PRDM15: variants seen among roughly 807,000 people sequenced by gnomAD.
PRDM15 encodes PR/SET domain 15, also known as PR domain zinc finger protein 15.
Under a neutral mutation model 128.6 loss-of-function variants are expected in PRDM15, and 64 were observed. That is an observed-to-expected ratio of 0.50 (90% CI 0.41 to 0.61). PRDM15 has a LOEUF of 0.61. Ranked by LOEUF, PRDM15 falls within the 20% of genes least tolerant of loss-of-function variation. The pLI is 0.00. For missense variants in PRDM15, 1,242 were observed against 1,569.1 expected, an observed-to-expected ratio of 0.79 and a Z score of 3.52; for synonymous variants, 615 against 621.8, an observed-to-expected ratio of 0.99 and a Z score of 0.16.
At chr21:41,853,765 GCA>G (rs2145837393) in intron 5 of PRDM15, among the ~76,000 whole-genome samples, 1 of 152,050 alleles carries the variant, frequency 6.6e-6, no homozygotes, top group African/African-American at 2.4e-5. Context: ...GAACACGCAT[GCA>G]CACACACACA....
Position 41,801,317 on chromosome 21 carries a change from G to A in PRDM15, c.3349C>T (p.Pro1117Ser). Residue 1117 changes from proline (P) to serine (S), a missense_variant, in exon 24 of 24, where the codon CCG (proline) becomes TCG (serine). This residue lies in a region of PRDM15 where 602 missense variants were observed against 788.3 expected (regional missense o/e 0.76). Transcript: ENST00000398548. ...GCCGCCTGCTGTGGGGGTGCCTGCG[G>A]CTGCGAGGGTGGCAAGACGTCAGTC... ...PQTDVLPPSQPQAPPQQAAQP... is the reference protein window; with the variant it reads ...PQTDVLPPSQSQAPPQQAAQP... The A allele has an allele frequency of 6.3e-7, 1 of 1,577,474 alleles. No homozygotes were observed. Among genetic ancestry groups the A allele is most frequent in the Non-Finnish European group, 8.6e-7 (1 of 1,159,254 alleles).
intron 6 of PRDM15, among the ~76,000 whole-genome samples, chr21:41,842,814 T>C (rs2063115237): frequency 8.6e-6 from 1 of 116,176 alleles, no homozygotes; most frequent in South Asian, 2.9e-4. Flanking sequence ...AGACGGAGTC[T>C]CACTCTGTCG....
intron 6 of PRDM15, among the ~76,000 whole-genome samples, chr21:41,846,534 T>C (rs1471599794): frequency 2.6e-5 from 4 of 152,076 alleles, no homozygotes; most frequent in African/African-American, 9.7e-5. Context: ...GTCTCTACAA[T>C]AAATATACAG....
chr21:41,847,498 C>T (rs938575669), intron 5 of PRDM15, among the ~76,000 whole-genome samples: 2 of 152,202 alleles, frequency 1.3e-5, no homozygotes, highest in African/African-American at 4.8e-5. Context: ...AGGGACCAGG[C>T]TCATCCCTTA....
intron 19 of PRDM15, chr21:41,812,838 G>A (rs2061908526): frequency 6.6e-6 from 1 of 152,364 alleles, no homozygotes; most frequent in Admixed American, 6.5e-5. Context: ...GGAGAACTGG[G>A]GAGTGTGTTT....
chr21:41,843,757 C>A (rs568080339), intron 6 of PRDM15, among the ~76,000 whole-genome samples: 1 of 152,132 alleles, frequency 6.6e-6, no homozygotes, highest in African/African-American at 2.4e-5. Flanking sequence ...TCTGGGACAG[C>A]CTTGTTATGG....
intron 10 of PRDM15, 57 bp from the exon 11 acceptor site, chr21:41,835,581 G>A (rs1475095826): frequency 3.6e-5 from 53 of 1,476,314 alleles, no homozygotes; most frequent in Middle Eastern, 3.4e-4. Context: ...CACAGATGCC[G>A]AGCCCCCGAC....
Position 41,806,376 on chromosome 21 carries a change from C to T in PRDM15, c.2653-1762G>A, listed in dbSNP as rs1167468008. ...ATCACCACCACCACCATCACTACCA[C>T]CATCACCACCACCACCATCACCACC... On this transcript the variant is annotated intron_variant, in intron 21 of 23. Coordinates refer to ENST00000398548, the MANE Select transcript of PRDM15 (RefSeq NM_001040424.3). 5.0e-5 allele frequency among the ~76,000 whole-genome samples: 4 copies of T among 79,280 alleles called. 1 individual carries two copies. The highest frequency in any genetic ancestry group is 2.2e-4 in the African/African-American group (4 of 18,034). 52.0% of individuals were successfully genotyped at this position (79,280 alleles called of 152,430 possible).
At position 41,862,218 on chromosome 21, in the gene PRDM15, G is replaced by C. The variant is rs2063839400; in HGVS notation, c.-9-1846C>G. 1.3e-5 allele frequency among the ~76,000 whole-genome samples: 2 copies of C among 152,194 alleles called. No individual in the cohort carries two copies. Among genetic ancestry groups the C allele is most frequent in the East Asian group, 3.9e-4 (2 of 5,188 alleles). ...CACGTGACTCACGGTCAGGAGCTTGGGCGATGGGAACGATAGGCCTTAAGA... is the reference window on the plus strand; with the variant it reads ...CACGTGACTCACGGTCAGGAGCTTGCGCGATGGGAACGATAGGCCTTAAGA... On this transcript the variant is annotated intron_variant, in intron 1 of 23. Transcript: ENST00000398548. This position sits in a 1 kb window ranked among gnomAD's most constrained non-coding sequence, Gnocchi z 4.1.
At chr21:41,860,012 T>G (rs1413618285) in intron 2 of PRDM15, among the ~76,000 whole-genome samples, 1 of 152,056 alleles carries the variant, frequency 6.6e-6, no homozygotes, top group East Asian at 1.9e-4. Flanking sequence ...AGAATGAGCA[T>G]AAATGAAAAT....
chr21:41,837,784 C>G, intron 8 of PRDM15, 150 bp downstream of exon 8: 1 of 372,264 alleles, frequency 2.7e-6, no homozygotes, highest in Non-Finnish European at 4.8e-6. Flanking sequence ...TCCTGAGCTC[C>G]AGAACATTCC....
chr21:41,859,237 C>T lies in PRDM15; in HGVS notation c.131+355G>A. 8 of 1,612,820 alleles carry T rather than the reference C, an allele frequency of 5.0e-6. No homozygotes were observed. The highest frequency in any genetic ancestry group is 6.8e-6 in the Non-Finnish European group (8 of 1,179,374). On this transcript the variant is annotated intron_variant, in intron 3 of 23. Transcript: ENST00000398548. The surrounding 1 kb of genome is among the most constrained non-coding windows in gnomAD (Gnocchi z 5.3). ...CGCTGGCAGGCCAAGACCTGGAATG[C>T]AGAGAGAAGCCAACGAGCAGACCTC... is the stretch of plus-strand genomic sequence containing the variant.
chr21:41,834,003 C>T (rs1261089744), intron 11 of PRDM15, among the ~76,000 whole-genome samples: 2 of 152,202 alleles, frequency 1.3e-5, no homozygotes, highest in East Asian at 3.8e-4. Context: ...CTGGCCGGGG[C>T]TGCGTTAAGT....
rs192754082 is a variant in PRDM15 at position 41,802,665 on chromosome 21, A to G, written c.2943+47T>C. Reference sequence around the variant, plus strand: ...ACACACACGTAAGGCTCTCATGCTTAGGGAAAGTGACCGGCACCTAATCAG... The same window carrying G: ...ACACACACGTAAGGCTCTCATGCTTGGGGAAAGTGACCGGCACCTAATCAG... On this transcript the variant is annotated intron_variant, in intron 23 of 23. Coordinates refer to ENST00000398548, the MANE Select transcript of PRDM15 (RefSeq NM_001040424.3). The G allele has an allele frequency of 3.7e-5, 55 of 1,503,958 alleles. No individual in the cohort carries two copies. The African/African-American group carries it at 6.2e-4, about 17-fold the overall frequency. 93.2% of individuals were successfully genotyped at this position (1,503,958 alleles called of 1,614,324 possible).
rs2063739461 is a variant in PRDM15, at chr21:41,859,318, C to A, written c.131+274G>T. On this transcript the variant is annotated intron_variant, in intron 3 of 23. Transcript: ENST00000398548. The surrounding 1 kb of genome is among the most constrained non-coding windows in gnomAD (Gnocchi z 5.3). ...CCACCTTGGCAAGTCCACTCTTCTG[C>A]AGCCTCCACACACTGTGTCGGGAAC... 1.7e-6 allele frequency: 2 copies of A among 1,184,990 alleles called. No individual in the cohort carries two copies. The highest frequency in any genetic ancestry group is 2.4e-6 in the Non-Finnish European group (2 of 817,026). 73.4% of individuals were successfully genotyped at this position (1,184,990 alleles called of 1,614,324 possible).
chr21:41,871,489 C>A, intron 1 of PRDM15: 1 of 1,591,014 alleles, frequency 6.3e-7, no homozygotes, highest in Non-Finnish European at 8.6e-7. Flanking sequence ...CTGGAGTGAG[C>A]CCACCAGGAG....
chr21:41,831,990 T>C (rs189526032), intron 11 of PRDM15, among the ~76,000 whole-genome samples: 9 of 152,282 alleles, frequency 5.9e-5, no homozygotes. Context: ...TGCCCTCAGT[T>C]TCGTTTTGGC....
At position 41,879,200 on chromosome 21, in the gene PRDM15, AGCGGGTGCGGCCCGGGGCCG is replaced by A; in HGVS notation, c.-10+50_-10+69del. 1.4e-6 allele frequency: 1 copy of A among 728,972 alleles called. No homozygotes were observed. Among genetic ancestry groups the A allele is most frequent in the Non-Finnish European group, 1.6e-6 (1 of 609,232 alleles). The allele number at this position is 728,972 out of a possible 1,614,324, so 45.2% of individuals were successfully genotyped here. The stretch of plus-strand genomic sequence containing the variant: ...AGGGCGCGCCGGGGCTCGCGGGGGC[AGCGGGTGCGGCCCGGGGCCG>A]GCGGGGCGCACGCCGGGGCGGGCGG... On this transcript the variant is annotated intron_variant, in intron 1 of 23. Transcript: ENST00000398548. This position sits in a 1 kb window ranked among gnomAD's most constrained non-coding sequence, Gnocchi z 5.1.
rs2062447289 is a variant in PRDM15, at chr21:41,825,770, T to C, written c.1629+190A>G. Among the ~76,000 whole-genome samples the C allele has an allele frequency of 6.6e-6, 1 of 152,090 alleles. No individual in the cohort carries two copies. Among genetic ancestry groups the C allele is most frequent in the African/African-American group, 2.4e-5 (1 of 41,368 alleles). ...TCTCAGCCCACTCACTGGAAACCCA[T>C]CTTAAGTACCAAAGAAATCCAAATG... On this transcript the variant is annotated intron_variant, in intron 13 of 23. Coordinates refer to ENST00000398548, the MANE Select transcript of PRDM15 (RefSeq NM_001040424.3).
Sources: allele counts gnomAD v4.1 joint callset (sites outside exome capture counted in the v4.1 genomes callset), GRCh38; gene constraint gnomAD v4.1.1; regional missense constraint gnomAD v4.1.1; non-coding constraint Gnocchi (gnomAD v3.1); transcripts MANE v1.5; gene names NCBI Gene and HGNC (gene_info 2026-07-23, HGNC 2026-07-21).